Variants in SULF2 observed in about 807,000 individuals in gnomAD.
The protein encoded by SULF2 is sulfatase 2, also known as extracellular sulfatase Sulf-2.
In SULF2, 52 loss-of-function variants were observed where a neutral mutation model predicts 107.7. The observed-to-expected ratio is 0.48, with a 90% CI of 0.39 to 0.61. SULF2 has a LOEUF of 0.61. Ranked by LOEUF, SULF2 falls within the 20% of genes least tolerant of loss-of-function variation. The probability of loss-of-function intolerance (pLI) is 0.00; values close to 1 mark genes in which losing one functional copy is unlikely to be tolerated. For missense variants in SULF2, 993 were observed against 1,177.3 expected (o/e 0.84, Z 2.29); for synonymous variants, 460 against 464.3 (o/e 0.99, Z 0.12).
intron 13 of SULF2, 124 bp downstream of exon 13, chr20:47,665,733 G>A (rs918065714): frequency 1.7e-5 from 13 of 747,688 alleles, no homozygotes; most frequent in Non-Finnish European, 2.8e-5. Flanking sequence ...GAATCTGTGG[G>A]GACCTCACTT....
At chr20:47,734,793 T>C (rs2089691206) in intron 3 of SULF2, among the ~76,000 whole-genome samples, 1 of 152,344 alleles carries the variant, frequency 6.6e-6, no homozygotes, top group South Asian at 2.1e-4. Context: ...CTCTTTACAC[T>C]TGACATTACG....
chr20:47,770,121 C>T (rs2090603837), intron 1 of SULF2, among the ~76,000 whole-genome samples: 1 of 139,790 alleles, frequency 7.2e-6, no homozygotes, highest in Admixed American at 7.7e-5. Flanking sequence ...AGTGCAGCGG[C>T]ACGAACATAG....
intron 1 of SULF2, among the ~76,000 whole-genome samples, chr20:47,757,682 C>G (rs2090326639): frequency 1.3e-5 from 2 of 151,916 alleles, no homozygotes; most frequent in African/African-American, 2.4e-5. Context: ...GCCACTTCTG[C>G]AGAAACAATT....
chr20:47,781,767 G>A (rs1443266655), intron 1 of SULF2, among the ~76,000 whole-genome samples: 1 of 152,138 alleles, frequency 6.6e-6, no homozygotes, highest in Non-Finnish European at 1.5e-5. Flanking sequence ...TCAAGGCACA[G>A]AAAGGTTAAG....
At chr20:47,781,895 G>T (rs531365201) in intron 1 of SULF2, among the ~76,000 whole-genome samples, 1 of 152,280 alleles carries the variant, frequency 6.6e-6, no homozygotes, top group South Asian at 2.1e-4. Flanking sequence ...TCAGCCTCAT[G>T]GAAGGCAGAG....
intron 1 of SULF2, among the ~76,000 whole-genome samples, chr20:47,781,281 T>G (rs2122732969): frequency 6.6e-6 from 1 of 152,328 alleles, no homozygotes; most frequent in Non-Finnish European, 1.5e-5. Flanking sequence ...TTGCTCACAT[T>G]AGTGGCCCAT....
chr20:47,689,892 G>GGTCGCC, intron 5 of SULF2: 1 of 382,310 alleles, frequency 2.6e-6, no homozygotes, highest in Non-Finnish European at 4.6e-6. Context: ...ACCTCTTGGT[G>GGTCGCC]GGAGGCCGTG....
Position 47,776,954 on chromosome 20 carries a change from T to C in SULF2, c.-101+8389A>G, listed in dbSNP as rs571945238. On this transcript the variant is annotated intron_variant, in intron 1 of 20. Transcript: ENST00000688720. ...ATGTGCCTGTAGCTCTCCAAGCCTC[T>C]TTCTTTTCTTGCTTCCTTCATTCAA... 5.3e-5 allele frequency among the ~76,000 whole-genome samples: 8 copies of C among 152,320 alleles called. No homozygotes were observed. In the South Asian group the frequency reaches 1.7e-3, roughly 32 times the overall value.
intron 4 of SULF2, among the ~76,000 whole-genome samples, chr20:47,701,485 T>C (rs1466062094): frequency 6.6e-6 from 1 of 152,192 alleles, no homozygotes; most frequent in Non-Finnish European, 1.5e-5. Context: ...AAACTACGAC[T>C]GAGGATCAAC....
At chr20:47,718,570 C>T (rs2089193476) in intron 3 of SULF2, among the ~76,000 whole-genome samples, 1 of 152,198 alleles carries the variant, frequency 6.6e-6, no homozygotes, top group Non-Finnish European at 1.5e-5. Flanking sequence ...AGGAGACAGA[C>T]TGTGATGACC....
intron 1 of SULF2, among the ~76,000 whole-genome samples, chr20:47,767,000 A>G (rs150344471): frequency 6.6e-6 from 1 of 152,248 alleles, no homozygotes; most frequent in Non-Finnish European, 1.5e-5. Context: ...GAGCTGACAA[A>G]CAGCGGACAG....
chr20:47,697,516 G>A (rs777724709), intron 4 of SULF2, among the ~76,000 whole-genome samples: 26 of 152,156 alleles, frequency 1.7e-4, no homozygotes, highest in Non-Finnish European at 3.4e-4. Flanking sequence ...TGGAAACCCC[G>A]GGCTCACCCC....
chr20:47,769,501 G>T (rs560649819), intron 1 of SULF2, among the ~76,000 whole-genome samples: 4 of 152,014 alleles, frequency 2.6e-5, no homozygotes, highest in African/African-American at 7.2e-5. Flanking sequence ...CCTGGCCTGG[G>T]TTTTTATTTT....
In SULF2 at chr20:47,657,686, A is replaced by G. The variant is rs1434047375; in HGVS notation, c.*676T>C. 6 of 152,420 alleles carry G rather than the reference A, an allele frequency of 3.9e-5. 1 individual carries two copies. In the East Asian group the frequency reaches 1.2e-3, roughly 29 times the overall value. The allele number at this position is 152,420 out of a possible 1,614,324, so 9.4% of individuals were successfully genotyped here. On this transcript the variant is annotated 3_prime_UTR_variant, in exon 21 of 21. Coordinates refer to ENST00000688720, the MANE Select transcript of SULF2 (RefSeq NM_001387048.1). ...CGAGGGATTTTCTTTTACACTGGCCACAGAGCGTTTATTGACACCACCACT... is the reference window on the plus strand; with the variant it reads ...CGAGGGATTTTCTTTTACACTGGCCGCAGAGCGTTTATTGACACCACCACT...
chr20:47,785,342 C>T lies in SULF2; in HGVS notation c.-101+1G>A, dbSNP rs1263543373. The T allele has an allele frequency of 1.4e-5, 2 of 146,674 alleles. No homozygotes were observed. Among genetic ancestry groups the T allele is most frequent in the Non-Finnish European group, 3.0e-5 (2 of 65,644 alleles). 9.1% of individuals were successfully genotyped at this position (146,674 alleles called of 1,614,324 possible). On this transcript the variant is annotated splice_donor_variant, in intron 1 of 20. Transcript: ENST00000688720. LOFTEE classifies it low-confidence loss of function (5UTR_SPLICE). ...CCACCTGCCCCCCACGCCCCACTCA[C>T]CAGCGCGCACGGCCCCGGCAACCTC...
intron 3 of SULF2, chr20:47,706,515 T>C (rs2088742726): frequency 6.6e-6 from 1 of 152,226 alleles, no homozygotes; most frequent in Middle Eastern, 3.2e-3. Flanking sequence ...TGGGCGGGTA[T>C]GTTCCAATAA....
chr20:47,719,591 C>G (rs917534236), intron 3 of SULF2, among the ~76,000 whole-genome samples: 12 of 152,208 alleles, frequency 7.9e-5, no homozygotes, highest in African/African-American at 2.9e-4. Context: ...CATCTCTAAT[C>G]CGCTGTTAAT....
At chr20:47,704,276 C>CT (rs2146607560) in intron 3 of SULF2, among the ~76,000 whole-genome samples, 1 of 121,696 alleles carries the variant, frequency 8.2e-6, no homozygotes, top group South Asian at 3.3e-4. Flanking sequence ...TTTGCATGTA[C>CT]ATTTTTTTTT....
intron 3 of SULF2, among the ~76,000 whole-genome samples, chr20:47,733,373 G>A (rs1382645449): frequency 6.6e-6 from 1 of 152,144 alleles, no homozygotes; most frequent in Non-Finnish European, 1.5e-5. Flanking sequence ...ATTTCAATTT[G>A]TGAAACACAT....
Sources: allele counts gnomAD v4.1 joint callset (sites outside exome capture counted in the v4.1 genomes callset), GRCh38; gene constraint gnomAD v4.1.1; transcripts MANE v1.5; gene names NCBI Gene and HGNC (gene_info 2026-07-23, HGNC 2026-07-21).